Variants in RCAN1 observed in about 807,000 individuals in gnomAD.
RCAN1 encodes calcipressin-1.
RCAN1 carries 11 observed loss-of-function variants against 22.9 expected under a neutral mutation model. The observed-to-expected ratio is 0.48, with a 90% CI of 0.30 to 0.79. The LOEUF (loss-of-function observed/expected upper bound fraction) is 0.79, where lower values mean the gene tolerates loss of function less well. Among genes scored for constraint, RCAN1 ranks in the 30% least tolerant of loss-of-function variants. RCAN1 has a pLI of 0.06. For missense variants in RCAN1, 291 were observed against 337.8 expected, an observed-to-expected ratio of 0.86 and a Z score of 1.09; for synonymous variants, 136 against 142.3, an observed-to-expected ratio of 0.96 and a Z score of 0.32.
At position 34,601,081 on chromosome 21, in the gene RCAN1, G is replaced by A. The variant is rs369672418; in HGVS notation, c.252+13679C>T. 6.6e-5 allele frequency among the ~76,000 whole-genome samples: 10 copies of A among 152,254 alleles called. No individual in the cohort carries two copies. The South Asian group carries it at 1.9e-3, about 28-fold the overall frequency. ...GGAAAATAAAGCTTATTATTTAATG[G>A]ACTTAACAATATTTTCTTGTTCATG... On this transcript the variant is annotated intron_variant, in intron 1 of 3. Transcript: ENST00000313806.
chr21:34,613,120 C>A (rs987735993), intron 1 of RCAN1, among the ~76,000 whole-genome samples: 12 of 152,170 alleles, frequency 7.9e-5, no homozygotes, highest in African/African-American at 2.7e-4. Context: ...CAATAGACAG[C>A]AAAGCCTGAA....
chr21:34,521,788 A>G, intron 2 of RCAN1, 130 bp from the exon 3 acceptor site: 1 of 730,210 alleles, frequency 1.4e-6, no homozygotes, highest in Non-Finnish European at 2.2e-6. Context: ...TGATTCCAGG[A>G]CCAATTGTAA....
rs1410215685 is a variant in RCAN1 at position 34,614,446 on chromosome 21, G to A, written c.252+314C>T. On this transcript the variant is annotated intron_variant, in intron 1 of 3. Coordinates refer to ENST00000313806, the MANE Select transcript of RCAN1 (RefSeq NM_004414.7). This position sits in a 1 kb window ranked among gnomAD's most constrained non-coding sequence, Gnocchi z 6.0. ...CGGGGCGATGGCGAGAGCGCAGGGG[G>A]CGGCGGCGCTGCCCCACCTTGGGGA... The A allele has an allele frequency of 9.9e-7, 1 of 1,011,280 alleles. No individual in the cohort carries two copies. Among genetic ancestry groups the A allele is most frequent in the Non-Finnish European group, 1.2e-6 (1 of 847,374 alleles). 62.6% of individuals were successfully genotyped at this position (1,011,280 alleles called of 1,614,324 possible).
chr21:34,577,786 C>T (rs1987460262), intron 1 of RCAN1, among the ~76,000 whole-genome samples: 1 of 152,172 alleles, frequency 6.6e-6, no homozygotes, highest in Non-Finnish European at 1.5e-5. Flanking sequence ...TGAAACATCA[C>T]TGCTTAGGTG....
chr21:34,578,374 T>C (rs1182294546), intron 1 of RCAN1, among the ~76,000 whole-genome samples: 2 of 152,196 alleles, frequency 1.3e-5, no homozygotes, highest in South Asian at 2.1e-4. Flanking sequence ...GAACATTAGA[T>C]TGAGAAACTT....
chr21:34,523,774 G>T lies in RCAN1; in HGVS notation c.253-64C>A, dbSNP rs1453711522. 15 of 1,334,432 alleles carry T rather than the reference G, an allele frequency of 1.1e-5. No homozygotes were observed. In the East Asian group the frequency reaches 2.8e-4, roughly 25 times the overall value. The allele number at this position is 1,334,432 out of a possible 1,614,324, so 82.7% of individuals were successfully genotyped here. ...ACCTGCATATGACCCTTGACTAGAT[G>T]ATGTCATTACTTTTTTTTTTTTCTT... On this transcript the variant is annotated intron_variant, in intron 1 of 3. Coordinates refer to ENST00000313806, the MANE Select transcript of RCAN1 (RefSeq NM_004414.7).
chr21:34,595,328 A>G (rs564382649), intron 1 of RCAN1, among the ~76,000 whole-genome samples: 1 of 152,362 alleles, frequency 6.6e-6, no homozygotes, highest in East Asian at 1.9e-4. Context: ...TCATCAAAAA[A>G]GGAGGAAAAA....
chr21:34,533,001 C>T (rs7281784), intron 1 of RCAN1, among the ~76,000 whole-genome samples: 42,290 of 150,560 alleles, frequency 0.28, 6,431 homozygotes, highest in East Asian at 0.51. Context: ...TGCTCTGTCG[C>T]CCAGGCTGGA....
Position 34,600,685 on chromosome 21 carries a change from TATTC to T in RCAN1, c.252+14071_252+14074del, listed in dbSNP as rs561148077. 2.8e-3 allele frequency among the ~76,000 whole-genome samples: 428 copies of T among 152,374 alleles called. 3 individuals are homozygous for T. Among genetic ancestry groups the T allele is most frequent in the Non-Finnish European group, 4.9e-3 (333 of 68,040 alleles). ...TGCTTTATAGTTCATGAGGCTTTCA[TATTC>T]ATTATGTTGAGATTTATTTTCAAAA... On this transcript the variant is annotated intron_variant, in intron 1 of 3. Transcript: ENST00000313806.
intron 1 of RCAN1, among the ~76,000 whole-genome samples, chr21:34,542,344 T>C (rs1205316417): frequency 6.6e-6 from 1 of 152,184 alleles, no homozygotes; most frequent in African/African-American, 2.4e-5. Flanking sequence ...TAAAAAGCCA[T>C]GCCCTTCTGC....
At chr21:34,535,581 T>C (rs1985630618) in intron 1 of RCAN1, among the ~76,000 whole-genome samples, 1 of 152,096 alleles carries the variant, frequency 6.6e-6, no homozygotes, top group South Asian at 2.1e-4. Flanking sequence ...GAAAACACAA[T>C]AACTGATATT....
intron 1 of RCAN1, among the ~76,000 whole-genome samples, chr21:34,605,901 C>T (rs1320125923): frequency 7.9e-6 from 1 of 125,794 alleles, no homozygotes; most frequent in African/African-American, 3.1e-5. Flanking sequence ...GCCTGGGCAA[C>T]AGAGCAAGAC....
chr21:34,592,413 G>A (rs941795089), intron 1 of RCAN1, among the ~76,000 whole-genome samples: 2 of 152,168 alleles, frequency 1.3e-5, no homozygotes, highest in Admixed American at 1.3e-4. Flanking sequence ...TAAACCCCAA[G>A]GATCAGGGCT....
At chr21:34,596,847 C>T (rs1482312738) in intron 1 of RCAN1, among the ~76,000 whole-genome samples, 1 of 152,228 alleles carries the variant, frequency 6.6e-6, no homozygotes, top group East Asian at 1.9e-4. Flanking sequence ...CAGCCCTTGG[C>T]TGGACCCACA....
At chr21:34,556,429 A>AAAAAAAAAAAAAAAT (rs139994182) in intron 1 of RCAN1, among the ~76,000 whole-genome samples, 1 of 145,540 alleles carries the variant, frequency 6.9e-6, no homozygotes. Flanking sequence ...TTGTCTCAAA[A>AAAAAAAAAAAAAAAT]AATAATAATA....
Position 34,517,838 on chromosome 21 carries a change from G to A in RCAN1, c.*246C>T. On this transcript the variant is annotated 3_prime_UTR_variant, in exon 4 of 4. Coordinates refer to ENST00000313806, the MANE Select transcript of RCAN1 (RefSeq NM_004414.7). The stretch of plus-strand genomic sequence containing the variant: ...CTGTTTTCTCAAGACAGTCCCAAAT[G>A]TCCTTGTGCGATCACCACAAACTCA... The A allele has an allele frequency of 5.4e-6, 3 of 554,324 alleles. No homozygotes were observed. Among genetic ancestry groups the A allele is most frequent in the Admixed American group, 6.4e-5 (2 of 31,340 alleles). 34.3% of individuals were successfully genotyped at this position (554,324 alleles called of 1,614,324 possible). A position where few individuals can be genotyped will look rare whatever the true frequency, so the allele number is the denominator to read the frequency against.
At chr21:34,525,542 T>C in intron 1 of RCAN1, 1 of 576,334 alleles carries the variant, frequency 1.7e-6, no homozygotes, top group Non-Finnish European at 2.7e-6. Context: ...CTGTTTAGTT[T>C]TGAAGTTATG....
At chr21:34,522,859 G>T (rs1202002442) in intron 2 of RCAN1, 1 of 152,180 alleles carries the variant, frequency 6.6e-6, no homozygotes, top group Non-Finnish European at 1.5e-5. Flanking sequence ...TGGAACTCTG[G>T]GAGCTGCCTT....
chr21:34,545,698 C>T (rs1174848635), intron 1 of RCAN1, among the ~76,000 whole-genome samples: 1 of 152,224 alleles, frequency 6.6e-6, no homozygotes, highest in Non-Finnish European at 1.5e-5. Flanking sequence ...ACTGTTTAGC[C>T]TCCCTGCTGG....
Sources: allele counts gnomAD v4.1 joint callset (sites outside exome capture counted in the v4.1 genomes callset), GRCh38; gene constraint gnomAD v4.1.1; non-coding constraint Gnocchi (gnomAD v3.1); transcripts MANE v1.5; gene names NCBI Gene and HGNC (gene_info 2026-07-23, HGNC 2026-07-21).